The following CFAP46 variants were observed in gnomAD, a reference collection of about 807,000 sequenced individuals.
The protein encoded by CFAP46 is cilia- and flagella-associated protein 46.
In CFAP46, 245 loss-of-function variants were observed where a neutral mutation model predicts 325.7. That is an observed-to-expected ratio of 0.75 (90% CI 0.68 to 0.84). CFAP46 has a LOEUF of 0.84. Among genes scored for constraint, CFAP46 ranks in the 40% least tolerant of loss-of-function variants. The pLI is 0.00. For synonymous variants in CFAP46, 1,523 were observed against 1,495.9 expected (o/e 1.02, Z -0.42); for missense variants, 3,346 against 3,543.0 (o/e 0.94, Z 1.41).
Position 132,846,165 on chromosome 10 carries a change from G to A in CFAP46, c.6330C>T (p.Ser2110=). ...VLLAATANTS[S]SQLAALLQLQ... The stretch of plus-strand genomic sequence containing the variant: ...GCTGCAGCAGGGCCGCCAGCTGTGA[G>A]CTGCTGGTGTTGGCTGTGGCTGCAA... The change falls in exon 44 of 58, where the codon AGC becomes AGT. Residue 2110 remains serine (S), a synonymous_variant. Coordinates refer to ENST00000368586, the MANE Select transcript of CFAP46 (RefSeq NM_001200049.3). The A allele has an allele frequency of 6.2e-7, 1 of 1,611,904 alleles. No homozygotes were observed. Among genetic ancestry groups the A allele is most frequent in the Non-Finnish European group, 8.5e-7 (1 of 1,179,546 alleles).
chr10:132,936,657 T>C (rs976715541), intron 7 of CFAP46, among the ~76,000 whole-genome samples: 77 of 144,358 alleles, frequency 5.3e-4, no homozygotes, highest in Non-Finnish European at 3.4e-4. Flanking sequence ...CCCCTCGGCA[T>C]CCAAACACAC....
intron 35 of CFAP46, among the ~76,000 whole-genome samples, chr10:132,864,664 T>C (rs1269239775): frequency 2.1e-4 from 25 of 119,738 alleles, no homozygotes; most frequent in African/African-American, 3.9e-4. Context: ...CACACACCTG[T>C]CCCCAGTGCC....
intron 37 of CFAP46, among the ~76,000 whole-genome samples, 198 bp from the exon 38 acceptor site, chr10:132,859,445 C>T (rs1848694138): frequency 6.6e-6 from 1 of 152,174 alleles, no homozygotes; most frequent in Non-Finnish European, 1.5e-5. Context: ...TCACAAGCCC[C>T]ACCCCAGGCA....
At chr10:132,875,193 A>G (rs1848941994) in intron 31 of CFAP46, among the ~76,000 whole-genome samples, 1 of 152,200 alleles carries the variant, frequency 6.6e-6, no homozygotes, top group African/African-American at 2.4e-5. Flanking sequence ...TCTGACATGC[A>G]TAACTGCCAA....
At chr10:132,845,400 T>G (rs1376144316) in intron 44 of CFAP46, among the ~76,000 whole-genome samples, 2 of 152,160 alleles carry the variant, frequency 1.3e-5, no homozygotes, top group Non-Finnish European at 2.9e-5. Context: ...TGGCGGATGC[T>G]GCCCCCGCCC....
At chr10:132,922,014 G>A (rs1849731219) in intron 13 of CFAP46, 90 bp downstream of exon 13, 12 of 1,435,920 alleles carry the variant, frequency 8.4e-6, no homozygotes, top group African/African-American at 1.4e-5. Context: ...CGGTGGCAGG[G>A]AGCATGGGGA....
chr10:132,823,471 A>T (rs1266389103), intron 50 of CFAP46, among the ~76,000 whole-genome samples: 8 of 80,002 alleles, frequency 1.0e-4, no homozygotes, highest in African/African-American at 1.6e-4. Flanking sequence ...GTGCTGTGTG[A>T]GTGCTGATGT....
Position 132,836,811 on chromosome 10 carries a change from C to T in CFAP46, c.6536+6G>A, listed in dbSNP as rs1848256630. 1.2e-6 allele frequency: 2 copies of T among 1,612,696 alleles called. No individual in the cohort carries two copies. The highest frequency in any genetic ancestry group is 1.7e-6 in the Non-Finnish European group (2 of 1,179,358). On this transcript the variant is annotated splice_donor_region_variant and intron_variant, in intron 45 of 57. Transcript: ENST00000368586. Reference sequence around the variant, plus strand: ...GGGCGGCCTCAACAAGAAGGAGCGGCTTTACCTGTCCCCTGAGAGGTGCAG... The same window carrying T: ...GGGCGGCCTCAACAAGAAGGAGCGGTTTTACCTGTCCCCTGAGAGGTGCAG...
At chr10:132,935,788 T>C (rs1591101311) in intron 7 of CFAP46, among the ~76,000 whole-genome samples, 1 of 88,272 alleles carries the variant, frequency 1.1e-5, no homozygotes, top group Non-Finnish European at 2.2e-5. Context: ...ATCTCCTCAC[T>C]CCCCTCACAT....
intron 24 of CFAP46, among the ~76,000 whole-genome samples, chr10:132,892,899 C>T (rs1407456024): frequency 3.9e-5 from 6 of 152,120 alleles, no homozygotes; most frequent in Non-Finnish European, 5.9e-5. Context: ...AGAGGCCCCC[C>T]GCCCCACACC....
At chr10:132,941,930 C>T (rs1591105151) in intron 2 of CFAP46, 50 bp downstream of exon 2, 1 of 1,546,698 alleles carries the variant, frequency 6.5e-7, no homozygotes, top group Non-Finnish European at 8.7e-7. Context: ...CAGAGGCCCT[C>T]CCTCTCCCTG....
chr10:132,836,555 G>A (rs528249718), intron 45 of CFAP46, among the ~76,000 whole-genome samples: 13 of 152,364 alleles, frequency 8.5e-5, no homozygotes, highest in African/African-American at 2.9e-4. Context: ...AGTGACCTTC[G>A]GGTCCGGACG....
intron 6 of CFAP46, 26 bp from the exon 7 acceptor site, chr10:132,937,081 A>C: frequency 7.3e-7 from 1 of 1,377,560 alleles, no homozygotes; most frequent in Non-Finnish European, 9.8e-7. Flanking sequence ...GCAGATTATT[A>C]ATCTGGATTC....
In CFAP46 at chr10:132,921,760, C is replaced by T. The variant is rs973380984; in HGVS notation, c.1606+344G>A. ...CTGTGAGGATGCGGGGAGGAGATGG[C>T]GTCCACAAGCCAAGGAAGAGCACTC... On this transcript the variant is annotated intron_variant, in intron 13 of 57. Coordinates refer to ENST00000368586, the MANE Select transcript of CFAP46 (RefSeq NM_001200049.3). Among the ~76,000 whole-genome samples, 12 of 152,322 alleles carry T rather than the reference C, an allele frequency of 7.9e-5. No individual in the cohort carries two copies. The East Asian group carries it at 1.7e-3, about 22-fold the overall frequency.
At chr10:132,872,502 T>TCC (rs1391091311) in intron 32 of CFAP46, 174 bp downstream of exon 32, 2 of 795,860 alleles carry the variant, frequency 2.5e-6, no homozygotes, top group African/African-American at 3.4e-5. Context: ...CAAATAGTCC[T>TCC]CCCGTCCCAA....
chr10:132,858,943 G>T (rs547049551), intron 38 of CFAP46, 128 bp downstream of exon 38: 6 of 918,612 alleles, frequency 6.5e-6, no homozygotes, highest in Non-Finnish European at 8.0e-6. Context: ...GCTTCCCAGG[G>T]GAGGGTCCTG....
intron 35 of CFAP46, among the ~76,000 whole-genome samples, chr10:132,865,180 C>T (rs866069942): frequency 3.9e-5 from 6 of 152,234 alleles, no homozygotes; most frequent in Non-Finnish European, 8.8e-5. Context: ...GATGTCACCA[C>T]GTGTCTGAGG....
intron 22 of CFAP46, among the ~76,000 whole-genome samples, chr10:132,906,463 GC>G (rs1173063798): frequency 3.3e-5 from 5 of 151,560 alleles, no homozygotes; most frequent in Admixed American, 2.0e-4. Context: ...GGCGCGTGAT[GC>G]CCCGTCCTGG....
intron 50 of CFAP46, among the ~76,000 whole-genome samples, chr10:132,818,527 T>C (rs1468386802): frequency 1.3e-5 from 2 of 151,930 alleles, no homozygotes; most frequent in Non-Finnish European, 2.9e-5. Flanking sequence ...TAAACAGCGC[T>C]GGAAGTCCCC....
Sources: allele counts gnomAD v4.1 joint callset (sites outside exome capture counted in the v4.1 genomes callset), GRCh38; gene constraint gnomAD v4.1.1; transcripts MANE v1.5; gene names NCBI Gene and HGNC (gene_info 2026-07-23, HGNC 2026-07-21).